The following PBRM1 variants were observed in gnomAD, a reference collection of about 807,000 sequenced individuals.
PBRM1 encodes polybromo 1, also known as protein polybromo-1.
A neutral mutation model predicts 194.5 loss-of-function variants in PBRM1; 27 were observed. The observed-to-expected ratio is 0.14, with a 90% CI of 0.10 to 0.19. The LOEUF is 0.19. Ranked by LOEUF, PBRM1 falls within the 10% of genes least tolerant of loss-of-function variation. The probability of loss-of-function intolerance (pLI) is 1.00; values close to 1 mark genes in which losing one functional copy is unlikely to be tolerated. For missense variants in PBRM1, 1,466 were observed against 2,077.2 expected (o/e 0.71, Z 5.72); for synonymous variants, 655 against 693.2 (o/e 0.94, Z 0.87).
At chr3:52,649,452 C>G (rs542794883) in intron 6 of PBRM1, among the ~76,000 whole-genome samples, 2 of 152,240 alleles carry the variant, frequency 1.3e-5, no homozygotes, top group African/African-American at 4.8e-5. Flanking sequence ...TATCCAGGGA[C>G]CACAGTGGCA....
chr3:52,679,347 T>C (rs2097164919), intron 1 of PBRM1, among the ~76,000 whole-genome samples: 1 of 152,250 alleles, frequency 6.6e-6, no homozygotes, highest in Admixed American at 6.5e-5. Context: ...AGTCACACAG[T>C]TATTTGCTGA....
chr3:52,647,468 ATATATATATATATATATATATG>A (rs1377344536), intron 7 of PBRM1, among the ~76,000 whole-genome samples: 11 of 75,200 alleles, frequency 1.5e-4, no homozygotes, highest in Non-Finnish European at 2.9e-4. Context: ...ATATATATAT[ATATATATATATATATATATATG>A]TAGTATTTAT....
rs909891209 is a variant in PBRM1 at position 52,668,700 on chromosome 3, T to C, written c.237-55A>G. On this transcript the variant is annotated intron_variant, in intron 2 of 29. Coordinates refer to ENST00000296302, the Ensembl canonical transcript of PBRM1. ...ATTAATCTGAAGCTTACAAAAAGTT[T>C]TATTTCAAAACTATTTATGGTAATG... 54 of 1,093,130 alleles carry C rather than the reference T, an allele frequency of 4.9e-5. 1 individual carries two copies. Among genetic ancestry groups the C allele is most frequent in the Middle Eastern group, 2.9e-4 (1 of 3,414 alleles). The allele number at this position is 1,093,130 out of a possible 1,614,324, so 67.7% of individuals were successfully genotyped here.
At chr3:52,572,701 C>T (rs1237115050) in intron 22 of PBRM1, among the ~76,000 whole-genome samples, 1 of 152,096 alleles carries the variant, frequency 6.6e-6, no homozygotes, top group South Asian at 2.1e-4. Flanking sequence ...TAAATGAAAA[C>T]AATTCTTCAA....
At chr3:52,598,895 G>A (rs6790330) in intron 17 of PBRM1, among the ~76,000 whole-genome samples, 51,795 of 151,830 alleles carry the variant, frequency 0.34, 9,828 homozygotes, top group Admixed American at 0.46. Flanking sequence ...GGTGGCGCAC[G>A]CCTGTAATCC....
upstream of PBRM1, among the ~76,000 whole-genome samples, chr3:52,684,068 T>G (rs1256447049): frequency 6.8e-6 from 1 of 147,802 alleles, no homozygotes; most frequent in African/African-American, 2.5e-5. Context: ...CTTGGGATGC[T>G]GAGGTGAGAG....
At chr3:52,651,771 C>T (rs767495974) in exon 6 of PBRM1, 1 of 1,605,054 alleles carries the variant, frequency 6.2e-7, no homozygotes, top group South Asian at 1.1e-5. Flanking sequence ...GTCTTGAGAT[C>T]TATAGGCTCC....
chr3:52,639,636 G>C (rs1296817252), intron 10 of PBRM1, among the ~76,000 whole-genome samples: 1 of 152,132 alleles, frequency 6.6e-6, no homozygotes, highest in African/African-American at 2.4e-5. Flanking sequence ...GGGAGGCTGA[G>C]GTGGGAGGAC....
chr3:52,671,189 A>G (rs1223700508), intron 2 of PBRM1, among the ~76,000 whole-genome samples: 1 of 152,242 alleles, frequency 6.6e-6, no homozygotes, highest in East Asian at 1.9e-4. Context: ...CCTAGCACAA[A>G]GCAGACTAAT....
intron 13 of PBRM1, among the ~76,000 whole-genome samples, chr3:52,623,445 T>C (rs1370097818): frequency 2.0e-5 from 3 of 152,258 alleles, no homozygotes; most frequent in Non-Finnish European, 4.4e-5. Flanking sequence ...CCAAACGTTC[T>C]TTCTTTTACA....
chr3:52,628,864 A>C, intron 12 of PBRM1, 30 bp downstream of exon 13: 4 of 1,606,578 alleles, frequency 2.5e-6, no homozygotes, highest in Non-Finnish European at 3.4e-6. Flanking sequence ...TCATATATAC[A>C]ACAAACTCAG....
intron 27 of PBRM1, among the ~76,000 whole-genome samples, chr3:52,553,322 A>G (rs1170764376): frequency 6.6e-6 from 1 of 152,174 alleles, no homozygotes; most frequent in East Asian, 1.9e-4. Context: ...GTTTTCTTTA[A>G]AATAATCTTT....
Position 52,550,763 on chromosome 3 carries a change from CT to C in PBRM1, c.4663del (p.Ser1555ValfsTer41). Reference sequence around the variant, plus strand: ...GAGGCTCACCTGTTGTCCATATGGACTTCCACCTGGTGCTGGAGTCCCTACC... The same window carrying C: ...GAGGCTCACCTGTTGTCCATATGGACTCCACCTGGTGCTGGAGTCCCTACC... On this transcript the variant is annotated frameshift_variant, in exon 28 of 30. Transcript: ENST00000296302. LOFTEE classifies it high-confidence loss of function. 6.2e-7 allele frequency: 1 copy of C among 1,612,240 alleles called. No individual in the cohort carries two copies. The highest frequency in any genetic ancestry group is 1.1e-5 in the South Asian group (1 of 91,020).
intron 14 of PBRM1, among the ~76,000 whole-genome samples, chr3:52,616,967 C>T (rs1190501484): frequency 6.6e-6 from 1 of 152,042 alleles, no homozygotes; most frequent in African/African-American, 2.4e-5. Flanking sequence ...GATGCAAGTA[C>T]TATTATTAGC....
At chr3:52,644,396 T>C (rs928329823) in intron 8 of PBRM1, among the ~76,000 whole-genome samples, 2 of 152,140 alleles carry the variant, frequency 1.3e-5, no homozygotes, top group Non-Finnish European at 2.9e-5. Flanking sequence ...ACATTTTCTT[T>C]TTTTTTTGAG....
chr3:52,559,061 T>C (rs917804784), intron 25 of PBRM1, among the ~76,000 whole-genome samples: 1 of 152,172 alleles, frequency 6.6e-6, no homozygotes, highest in African/African-American at 2.4e-5. Flanking sequence ...AAATGCATTA[T>C]ACTTCAGGCT....
intron 9 of PBRM1, among the ~76,000 whole-genome samples, chr3:52,642,526 G>A (rs967183895): frequency 2.1e-5 from 3 of 145,690 alleles, no homozygotes; most frequent in Admixed American, 7.1e-5. Context: ...TGAGGCAGGC[G>A]AATCACTTGA....
intron 11 of PBRM1, among the ~76,000 whole-genome samples, chr3:52,630,290 T>C (rs573592177): frequency 8.5e-5 from 13 of 152,332 alleles, no homozygotes; most frequent in African/African-American, 3.1e-4. Context: ...TAGTTCCTGC[T>C]TACTCTTCCA....
chr3:52,662,172 A>G, exon 4 of PBRM1: 1 of 1,614,104 alleles, frequency 6.2e-7, no homozygotes, highest in Non-Finnish European at 8.5e-7. Context: ...GCCCATCTTC[A>G]TCATCATCTT....
Sources: allele counts gnomAD v4.1 joint callset (sites outside exome capture counted in the v4.1 genomes callset), GRCh38; gene constraint gnomAD v4.1.1; transcripts MANE v1.5; gene names NCBI Gene and HGNC (gene_info 2026-07-23, HGNC 2026-07-21).